Variants in CIBAR1 observed in about 807,000 individuals in gnomAD.
CIBAR1 encodes CBY1 interacting BAR domain containing 1, also known as CBY1-interacting BAR domain-containing protein 1.
In CIBAR1, 25 loss-of-function variants were observed where a neutral mutation model predicts 44.0. The observed-to-expected ratio is 0.57, with a 90% CI of 0.41 to 0.79. CIBAR1 has a LOEUF of 0.79. CIBAR1 is among the 30% of genes least tolerant of loss of function. The pLI is 0.00. For synonymous variants in CIBAR1, 115 were observed against 119.0 expected, an observed-to-expected ratio of 0.97 and a Z score of 0.22; for missense variants, 278 against 344.8, an observed-to-expected ratio of 0.81 and a Z score of 1.53.
In CIBAR1 at chr8:93,709,857, G is replaced by C; in HGVS notation, c.525G>C (p.Gln175His). Reference protein sequence around the residue: ...LEETINNFERQKMKDIKTIFS... With the variant: ...LEETINNFERHKMKDIKTIFS... ...AAACTATTAACAACTTTGAAAGGCA[G>C]AAAATGAAGGATATAAAGGTAATAA... Residue 175 changes from glutamine (Q) to histidine (H), a missense_variant, in exon 6 of 9, where the codon CAG becomes CAC. Coordinates refer to ENST00000518322, the MANE Select transcript of CIBAR1 (RefSeq NM_145269.5). 1 of 1,610,590 alleles carries C rather than the reference G, an allele frequency of 6.2e-7. No individual in the cohort carries two copies. Among genetic ancestry groups the C allele is most frequent in the East Asian group, 2.2e-5 (1 of 44,836 alleles).
At chr8:93,701,505 T>A in intron 2 of CIBAR1, 47 bp downstream of exon 2, 1 of 1,523,060 alleles carries the variant, frequency 6.6e-7, no homozygotes, top group Non-Finnish European at 9.0e-7. Context: ...AGCCATGAAG[T>A]AGTGGATGAA....
intron 6 of CIBAR1, among the ~76,000 whole-genome samples, chr8:93,712,481 A>C (rs763505141): frequency 2.0e-5 from 3 of 152,144 alleles, no homozygotes; most frequent in Non-Finnish European, 2.9e-5. Context: ...CCTTTTGGCT[A>C]TTGTGAATGC....
chr8:93,704,127 A>G (rs1174825804), intron 3 of CIBAR1, among the ~76,000 whole-genome samples: 2 of 152,054 alleles, frequency 1.3e-5, no homozygotes, highest in African/African-American at 4.8e-5. Context: ...CTGAAAGATC[A>G]CTTAGATCTT....
chr8:93,727,185 T>C (rs1424261831), intron 8 of CIBAR1: 2 of 1,289,034 alleles, frequency 1.6e-6, no homozygotes, highest in Non-Finnish European at 2.0e-6. Context: ...TATGCCCTTT[T>C]CATATCTAGC....
In CIBAR1 at chr8:93,729,503, A is replaced by G. The variant is rs1811702949; in HGVS notation, c.*1206A>G. The G allele has an allele frequency of 6.6e-6, 1 of 152,164 alleles. No individual in the cohort carries two copies. The highest frequency in any genetic ancestry group is 1.5e-5 in the Non-Finnish European group (1 of 68,000). 9.4% of individuals were successfully genotyped at this position (152,164 alleles called of 1,614,324 possible). On this transcript the variant is annotated 3_prime_UTR_variant, in exon 9 of 9. Transcript: ENST00000518322. ...GCTTACTAAATAGCAACTTCTCTTG[A>G]GCATTATTTGCCTTGTTTGTAAAGT...
chr8:93,718,871 T>C, intron 7 of CIBAR1, 83 bp downstream of exon 7: 2 of 754,770 alleles, frequency 2.6e-6, no homozygotes, highest in Non-Finnish European at 3.9e-6. Context: ...ATTAATATCT[T>C]TTTTTTTTTT....
chr8:93,716,235 G>C (rs779225124), intron 6 of CIBAR1: 2 of 151,990 alleles, frequency 1.3e-5, no homozygotes, highest in Non-Finnish European at 2.9e-5. Flanking sequence ...GTAGAAACAG[G>C]GTTTCACCAT....
intron 7 of CIBAR1, among the ~76,000 whole-genome samples, chr8:93,722,724 T>G (rs1273808397): frequency 2.0e-5 from 3 of 151,828 alleles, no homozygotes; most frequent in Non-Finnish European, 4.4e-5. Context: ...TATTGTCAGG[T>G]CACCTCTGTA....
chr8:93,724,336 T>A (rs570123299), intron 7 of CIBAR1, among the ~76,000 whole-genome samples: 14 of 152,160 alleles, frequency 9.2e-5, no homozygotes, highest in South Asian at 2.1e-4. Flanking sequence ...ATATATAAAA[T>A]TTTTTTTAAG....
intron 8 of CIBAR1, among the ~76,000 whole-genome samples, chr8:93,727,541 G>C (rs1811575043): frequency 1.3e-5 from 2 of 152,158 alleles, no homozygotes; most frequent in African/African-American, 4.8e-5. Flanking sequence ...GGAGGAAGAA[G>C]GGGACGGAAT....
chr8:93,716,387 A>G (rs1430718633), intron 6 of CIBAR1, among the ~76,000 whole-genome samples: 1 of 151,628 alleles, frequency 6.6e-6, no homozygotes, highest in Non-Finnish European at 1.5e-5. Flanking sequence ...TGTTGACACC[A>G]TAAGTTGCAG....
chr8:93,706,553 A>T (rs750243062), intron 4 of CIBAR1, among the ~76,000 whole-genome samples: 1 of 152,184 alleles, frequency 6.6e-6, no homozygotes, highest in Non-Finnish European at 1.5e-5. Flanking sequence ...GGCAAGATTG[A>T]ATCAGGAGTA....
rs75575957 is a variant in CIBAR1, at chr8:93,700,906, C to A, written c.26+233C>A. On this transcript the variant is annotated intron_variant, in intron 1 of 8. Coordinates refer to ENST00000518322, the MANE Select transcript of CIBAR1 (RefSeq NM_145269.5). ...CCACCCACGCCACCGGGTCTCGGGT[C>A]CCCACACTGCCGCGGGCAGTGCGGA... 12,154 of 1,327,420 alleles carry A rather than the reference C, an allele frequency of 9.2e-3. 102 individuals carry two copies. Among genetic ancestry groups the A allele is most frequent in the South Asian group, 0.029 (1,294 of 44,728 alleles). The allele number at this position is 1,327,420 out of a possible 1,614,324, so 82.2% of individuals were successfully genotyped here. A position where few individuals can be genotyped will look rare whatever the true frequency, so the allele number is the denominator to read the frequency against.
At chr8:93,708,687 G>A (rs534922889) in intron 5 of CIBAR1, among the ~76,000 whole-genome samples, 303 of 152,288 alleles carry the variant, frequency 2.0e-3, no homozygotes, top group African/African-American at 7.1e-3. Flanking sequence ...ACAAGTAGAA[G>A]TCCCATGCTG....
At chr8:93,714,789 C>T (rs1406406746) in intron 6 of CIBAR1, among the ~76,000 whole-genome samples, 1 of 152,054 alleles carries the variant, frequency 6.6e-6, no homozygotes, top group Non-Finnish European at 1.5e-5. Context: ...TGGCTGGCCC[C>T]CTTATTTCTA....
intron 3 of CIBAR1, among the ~76,000 whole-genome samples, chr8:93,704,399 A>G (rs982331464): frequency 1.3e-5 from 2 of 151,986 alleles, no homozygotes; most frequent in African/African-American, 2.4e-5. Context: ...GTGGAAGACA[A>G]TTTTTCTTTA....
chr8:93,704,671 ATT>A (rs1810508542), intron 3 of CIBAR1, among the ~76,000 whole-genome samples: 1 of 152,192 alleles, frequency 6.6e-6, no homozygotes, highest in African/African-American at 2.4e-5. Flanking sequence ...GCATATATCT[ATT>A]ATGGTTAATA....
At chr8:93,704,702 G>A (rs192513432) in intron 3 of CIBAR1, among the ~76,000 whole-genome samples, 32 of 152,228 alleles carry the variant, frequency 2.1e-4, no homozygotes, top group Non-Finnish European at 3.7e-4. Context: ...CTGAAATTGT[G>A]TCATTATTTT....
Position 93,731,374 on chromosome 8 carries a change from CTT to C in CIBAR1, c.*3079_*3080del. 1 of 152,166 alleles carries C rather than the reference CTT, an allele frequency of 6.6e-6. No homozygotes were observed. The highest frequency in any genetic ancestry group is 1.9e-4 in the East Asian group (1 of 5,204). The allele number at this position is 152,166 out of a possible 1,614,324, so 9.4% of individuals were successfully genotyped here. ...TGACCAAATGAACCATCTATACAAT[CTT>C]TGCTCAATTAAAAATATCATTTCTA... On this transcript the variant is annotated 3_prime_UTR_variant, in exon 9 of 9. Transcript: ENST00000518322.
Sources: allele counts gnomAD v4.1 joint callset (sites outside exome capture counted in the v4.1 genomes callset), GRCh38; gene constraint gnomAD v4.1.1; transcripts MANE v1.5; gene names NCBI Gene and HGNC (gene_info 2026-07-23, HGNC 2026-07-21).